CPNE3: variants seen among roughly 807,000 people sequenced by gnomAD.
CPNE3 encodes the protein copine-3.
CPNE3 carries 68 observed loss-of-function variants against 63.9 expected under a neutral mutation model. The observed-to-expected ratio is 1.06, with a 90% confidence interval of 0.87 to 1.30. The LOEUF (loss-of-function observed/expected upper bound fraction) is 1.30, where lower values mean the gene tolerates loss of function less well. Ranked by LOEUF, CPNE3 falls within the 50% of genes most tolerant of loss-of-function variation. The pLI is 0.00. For synonymous variants in CPNE3, 219 were observed against 197.5 expected (o/e 1.11, Z -0.91); for missense variants, 665 against 578.1 (o/e 1.15, Z -1.54).
intron 4 of CPNE3, 66 bp from the exon 5 acceptor site, chr8:86,531,082 TGCTGAAA>T: frequency 1.3e-6 from 1 of 779,832 alleles, no homozygotes; most frequent in South Asian, 1.4e-5. Context: ...CAGTCTTTTT[TGCTGAAA>T]CTATTTCATT....
chr8:86,558,510 T>C lies in CPNE3; in HGVS notation c.*100T>C, dbSNP rs550499644. The C allele has an allele frequency of 6.1e-6, 5 of 819,662 alleles. No homozygotes were observed. In the South Asian group the frequency reaches 6.9e-5, roughly 11 times the overall value. 50.8% of individuals were successfully genotyped at this position (819,662 alleles called of 1,614,324 possible). On this transcript the variant is annotated 3_prime_UTR_variant, in exon 17 of 17. Transcript: ENST00000517490. ...ACGTACTTTTTACCCCCAGCATTTA[T>C]GATGTAAATCTCTTTCTCTATGGAT...
At chr8:86,522,544 G>T (rs543208455) in intron 2 of CPNE3, among the ~76,000 whole-genome samples, 1 of 106,484 alleles carries the variant, frequency 9.4e-6, no homozygotes, top group South Asian at 3.0e-4. Flanking sequence ...CCTGACGCCC[G>T]CTGCTTTTTT....
Position 86,551,230 on chromosome 8 carries a change from C to A in CPNE3, c.1116C>A (p.Cys372Ter), listed in dbSNP as rs368244904. ...PMNFNPSNPY[C>*]NGIQGIVEAY... ...ACTTCAACCCATCCAATCCCTACTG[C>A]AATGGTAAGTTAAAAAATAAACATG... The change falls in exon 14 of 17, where the codon TGC becomes TGA. Residue 372 changes from cysteine (C) to a stop codon, truncating the protein, a stop_gained. Transcript: ENST00000517490. LOFTEE classifies it high-confidence loss of function. The A allele has an allele frequency of 5.2e-5, 83 of 1,583,390 alleles. No homozygotes were observed. Among genetic ancestry groups the A allele is most frequent in the Non-Finnish European group, 6.9e-5 (80 of 1,152,530 alleles).
In CPNE3 at chr8:86,532,273, A is replaced by G. The variant is rs184590758; in HGVS notation, c.388-236A>G. ...GGGAAGATCCAATTTGGGCAACCAC[A>G]TTTCAAAAGACATTGCTTAATGCAG... On this transcript the variant is annotated intron_variant, in intron 5 of 16. Coordinates refer to ENST00000517490, the MANE Select transcript of CPNE3 (RefSeq NM_003909.5). Among the ~76,000 whole-genome samples, 17 of 152,344 alleles carry G rather than the reference A, an allele frequency of 1.1e-4. No homozygotes were observed. In the East Asian group the frequency reaches 1.5e-3, roughly 14 times the overall value.
intron 12 of CPNE3, among the ~76,000 whole-genome samples, chr8:86,549,557 G>T (rs950478995): frequency 1.3e-5 from 2 of 152,158 alleles, no homozygotes; most frequent in Non-Finnish European, 2.9e-5. Flanking sequence ...TTGGATCCCT[G>T]ACTCATACTT....
rs924010698 is a variant in CPNE3 at position 86,544,783 on chromosome 8, T to C, written c.677T>C (p.Ile226Thr). The C allele has an allele frequency of 1.3e-5, 20 of 1,591,890 alleles. No homozygotes were observed. Among genetic ancestry groups the C allele is most frequent in the Admixed American group, 6.9e-5 (4 of 57,566 alleles). Residue 226 changes from isoleucine (I) to threonine (T), a missense_variant, in exon 9 of 17, where the codon ATT (isoleucine) becomes ACT (threonine). Ile to Thr is a moderately conservative substitution (Grantham distance 89, BLOSUM62 -1). Coordinates refer to ENST00000517490, the MANE Select transcript of CPNE3 (RefSeq NM_003909.5). Reference sequence around the variant, plus strand: ...GACAATGATGGGTCACATGATCTCATTGGAACATTTCAGACCACCATGACA... The same window carrying C: ...GACAATGATGGGTCACATGATCTCACTGGAACATTTCAGACCACCATGACA... ...DYDNDGSHDL[I>T]GTFQTTMTKL...
rs114676701 is a variant in CPNE3 at position 86,518,732 on chromosome 8, A to G, written c.-11+3233A>G. The stretch of plus-strand genomic sequence containing the variant: ...TTAATTTTATTTTTTCTGCTTAGGT[A>G]GCTAATAAGTTCTGATAGCCCTTCT... On this transcript the variant is annotated intron_variant, in intron 2 of 16. Coordinates refer to ENST00000517490, the MANE Select transcript of CPNE3 (RefSeq NM_003909.5). Among the ~76,000 whole-genome samples, 1,094 of 152,050 alleles carry G rather than the reference A, an allele frequency of 7.2e-3. 14 individuals are homozygous for G. Among genetic ancestry groups the G allele is most frequent in the African/African-American group, 0.025 (1,041 of 41,460 alleles).
rs141493973 is a variant in CPNE3 at position 86,529,698 on chromosome 8, G to A, written c.312+574G>A. 7.9e-3 allele frequency among the ~76,000 whole-genome samples: 1,196 copies of A among 152,190 alleles called. 11 individuals are homozygous for A. The highest frequency in any genetic ancestry group is 0.012 in the Non-Finnish European group (818 of 68,002). ...GTCTTCCCAGTATATGATAAGTTTG[G>A]TCAGGGTAGGGACGTGTCTCATGGC... On this transcript the variant is annotated intron_variant, in intron 4 of 16. Transcript: ENST00000517490.
In CPNE3 at chr8:86,540,267, C is replaced by T. The variant is rs1165259416; in HGVS notation, c.566C>T (p.Pro189Leu). Residue 189 changes from proline to leucine, a missense_variant, in exon 8 of 17, where the codon CCT becomes CTT. By Grantham distance (98) the Pro-to-Leu change is moderately conservative. Transcript: ENST00000517490. ...TAGGTTGTTAAAAACAACTTGAATCCTGTTTGGAGGCCTTTCAAGATCTCT... is the reference window on the plus strand; with the variant it reads ...TAGGTTGTTAAAAACAACTTGAATCTTGTTTGGAGGCCTTTCAAGATCTCT... ...RTEVVKNNLN[P>L]VWRPFKISLN... 1.2e-6 allele frequency: 2 copies of T among 1,609,844 alleles called. No homozygotes were observed. Among genetic ancestry groups the T allele is most frequent in the Admixed American group, 1.7e-5 (1 of 59,646 alleles).
intron 6 of CPNE3, 64 bp from the exon 7 acceptor site, chr8:86,537,499 G>T (rs1231893518): frequency 8.2e-6 from 8 of 976,518 alleles, no homozygotes; most frequent in Non-Finnish European, 1.2e-5. Flanking sequence ...GTAAAGTATG[G>T]TCACACATGG....
chr8:86,528,302 T>C (rs578077720), intron 2 of CPNE3, among the ~76,000 whole-genome samples: 2 of 152,270 alleles, frequency 1.3e-5, no homozygotes, highest in South Asian at 4.1e-4. Context: ...TTTACTGTCA[T>C]TCAGTAAATG....
At chr8:86,553,769 G>A (rs1442102165) in intron 14 of CPNE3, among the ~76,000 whole-genome samples, 1 of 118,120 alleles carries the variant, frequency 8.5e-6, no homozygotes, top group Non-Finnish European at 1.8e-5. Context: ...TTTTTTTTGT[G>A]GCAAGTATCT....
At chr8:86,521,848 T>C (rs1043855638) in intron 2 of CPNE3, 3 of 152,320 alleles carry the variant, frequency 2.0e-5, no homozygotes, top group Non-Finnish European at 1.5e-5. Context: ...TGGAGTGCCT[T>C]ATATTATAGT....
intron 6 of CPNE3, 74 bp downstream of exon 6, chr8:86,532,654 A>C: frequency 7.6e-7 from 1 of 1,307,294 alleles, no homozygotes; most frequent in South Asian, 1.3e-5. Flanking sequence ...AATGCAGTTA[A>C]TATCATGAAC....
Position 86,540,304 on chromosome 8 carries a change from G to A in CPNE3, c.603G>A (p.Leu201=). 4 of 1,573,880 alleles carry A rather than the reference G, an allele frequency of 2.5e-6. No homozygotes were observed. The highest frequency in any genetic ancestry group is 3.4e-6 in the Non-Finnish European group (4 of 1,162,342). The part of the protein sequence containing the change: ...WRPFKISLNS[L]CYGDMDKTIK... ...CTTTCAAGATCTCTCTTAACTCACT[G>A]TGTTACGGAGATATGGACAAAACCA... Residue 201 remains leucine (L), a synonymous_variant, in exon 8 of 17, where the codon CTG becomes CTA. Transcript: ENST00000517490.
At chr8:86,519,185 G>A (rs867000720) in intron 2 of CPNE3, among the ~76,000 whole-genome samples, 1 of 152,180 alleles carries the variant, frequency 6.6e-6, no homozygotes, top group Admixed American at 6.5e-5. Flanking sequence ...CAGTAGCCAA[G>A]GGATTAGAAA....
At chr8:86,544,283 T>C (rs1821003368) in intron 8 of CPNE3, among the ~76,000 whole-genome samples, 1 of 152,234 alleles carries the variant, frequency 6.6e-6, no homozygotes, top group Admixed American at 6.5e-5. Context: ...TTCATAATTC[T>C]AAAGTATCTA....
In CPNE3 at chr8:86,532,547, G is replaced by C; in HGVS notation, c.426G>C (p.Leu142Phe). 1.2e-6 allele frequency: 2 copies of C among 1,613,248 alleles called. No homozygotes were observed. The highest frequency in any genetic ancestry group is 1.7e-6 in the Non-Finnish European group (2 of 1,179,594). The change falls in exon 6 of 17, where the codon TTG becomes TTC. Residue 142 changes from leucine (L) to phenylalanine (F), a missense_variant. Leu to Phe is a conservative substitution (Grantham distance 22). Coordinates refer to ENST00000517490, the MANE Select transcript of CPNE3 (RefSeq NM_003909.5). ...AAATAAAAGATAATAGAGTGGTCTT[G>C]TTTGAAATGGAAGCCAGAAAACTGG... ...AEEIKDNRVV[L>F]FEMEARKLDN...
chr8:86,528,533 C>T lies in CPNE3; in HGVS notation c.-10-3C>T, dbSNP rs1269659531. 6.2e-7 allele frequency: 1 copy of T among 1,611,874 alleles called. No individual in the cohort carries two copies. Among genetic ancestry groups the T allele is most frequent in the South Asian group, 1.1e-5 (1 of 90,524 alleles). ...TGCTTTCTCTTTTTATTGGTTTTCTCAGAACTCAAGACATGGCTGCCCAGT... is the reference window on the plus strand; with the variant it reads ...TGCTTTCTCTTTTTATTGGTTTTCTTAGAACTCAAGACATGGCTGCCCAGT... On this transcript the variant is annotated splice_region_variant and splice_polypyrimidine_tract_variant and intron_variant, in intron 2 of 16. Coordinates refer to ENST00000517490, the MANE Select transcript of CPNE3 (RefSeq NM_003909.5).
Sources: allele counts gnomAD v4.1 joint callset (sites outside exome capture counted in the v4.1 genomes callset), GRCh38; gene constraint gnomAD v4.1.1; transcripts MANE v1.5; gene names NCBI Gene and HGNC (gene_info 2026-07-23, HGNC 2026-07-21).